MAP4: variants seen among roughly 807,000 people sequenced by gnomAD.
MAP4 encodes microtubule-associated protein 4.
Under a neutral mutation model 170.2 loss-of-function variants are expected in MAP4, and 76 were observed. The observed-to-expected ratio is 0.45, with a 90% CI of 0.37 to 0.54. The LOEUF (loss-of-function observed/expected upper bound fraction) is 0.54. MAP4 is among the 20% of genes least tolerant of loss of function. The probability of loss-of-function intolerance (pLI) is 0.00; values close to 1 mark genes in which losing one functional copy is unlikely to be tolerated. For synonymous variants in MAP4, 909 were observed against 994.5 expected (o/e 0.91, Z 1.62); for missense variants, 2,506 against 2,748.0 (o/e 0.91, Z 1.97).
chr3:48,031,144 C>T (rs188341570), intron 1 of MAP4, among the ~76,000 whole-genome samples: 139 of 152,344 alleles, frequency 9.1e-4, no homozygotes, highest in African/African-American at 3.2e-3. Flanking sequence ...GGTGCAATGG[C>T]TTACATCTGT....
At chr3:48,000,259 C>T (rs2100098446) in intron 1 of MAP4, among the ~76,000 whole-genome samples, 1 of 145,894 alleles carries the variant, frequency 6.9e-6, no homozygotes, top group Non-Finnish European at 1.5e-5. Flanking sequence ...AGCCAAAGGC[C>T]TGCAATAAAT....
Position 47,916,903 on chromosome 3 carries a change from T to A in MAP4, c.924A>T (p.Leu308=). The A allele has an allele frequency of 6.2e-7, 1 of 1,614,224 alleles. No homozygotes were observed. ...SDMALVKDME[L]PTEKEVALVK... is the part of the protein sequence containing the mutation. Reference sequence around the variant, plus strand: ...CCAGGGCCACTTCTTTTTCTGTGGGTAGTTCCATGTCCTTGACTAGGGCCA... The same window carrying A: ...CCAGGGCCACTTCTTTTTCTGTGGGAAGTTCCATGTCCTTGACTAGGGCCA... The change falls in exon 7 of 21, where the codon CTA becomes CTT. Residue 308 remains leucine (L), a synonymous_variant. Coordinates refer to ENST00000683076, the MANE Select transcript of MAP4 (RefSeq NM_001385682.1).
chr3:47,909,984 T>C lies in MAP4; in HGVS notation c.4437A>G (p.Val1479=). Reference sequence around the variant, plus strand: ...GGACTCCATCTTTGGTGTAGTTATCTACCATTAATGATTTGGAAATCTGGG... The same window carrying C: ...GGACTCCATCTTTGGTGTAGTTATCCACCATTAATGATTTGGAAATCTGGG... ...APAQISKSLM[V]DNYTKDGVPG... Residue 1479 remains valine (V), a synonymous_variant, in exon 9 of 21, where the codon GTA becomes GTG. Transcript: ENST00000683076. 1.2e-6 allele frequency: 2 copies of C among 1,614,058 alleles called. No homozygotes were observed. Among genetic ancestry groups the C allele is most frequent in the Non-Finnish European group, 1.7e-6 (2 of 1,179,904 alleles).
chr3:47,901,715 A>G (rs189980688), intron 10 of MAP4, among the ~76,000 whole-genome samples: 42 of 152,076 alleles, frequency 2.8e-4, no homozygotes, highest in Admixed American at 9.8e-4. Context: ...TGTCACCTCC[A>G]TATCTTAAAG....
intron 1 of MAP4, among the ~76,000 whole-genome samples, chr3:48,021,910 A>AG (rs1488238937): frequency 1.3e-5 from 2 of 152,238 alleles, no homozygotes; most frequent in Admixed American, 1.3e-4. Context: ...ACATAAATAT[A>AG]GTAATGAAAA....
chr3:47,968,098 A>G (rs1413677829), intron 3 of MAP4, among the ~76,000 whole-genome samples: 1 of 152,238 alleles, frequency 6.6e-6, no homozygotes, highest in Non-Finnish European at 1.5e-5. Context: ...ATCCTTGAGA[A>G]ATGTAAAAAG....
chr3:48,003,250 C>T (rs1376701014), intron 1 of MAP4, among the ~76,000 whole-genome samples: 2 of 151,772 alleles, frequency 1.3e-5, no homozygotes, highest in Non-Finnish European at 2.9e-5. Context: ...GTCAGAAGAT[C>T]GAGACCATCC....
intron 3 of MAP4, among the ~76,000 whole-genome samples, chr3:47,967,763 C>G (rs1329170781): frequency 1.3e-5 from 2 of 152,128 alleles, no homozygotes; most frequent in African/African-American, 2.4e-5. Context: ...AGAGTTCAAG[C>G]CCATCCTGTG....
chr3:48,034,996 G>A (rs1212936557), intron 1 of MAP4, among the ~76,000 whole-genome samples: 2 of 152,098 alleles, frequency 1.3e-5, no homozygotes, highest in East Asian at 3.9e-4. Context: ...CTGGGAGACA[G>A]AGAGTGAGAC....
At chr3:47,876,201 G>A (rs528242778) in intron 11 of MAP4, among the ~76,000 whole-genome samples, 2 of 148,700 alleles carry the variant, frequency 1.3e-5, no homozygotes, top group African/African-American at 2.5e-5. Flanking sequence ...TGGCGATCTC[G>A]GCTCACTGCA....
intron 1 of MAP4, among the ~76,000 whole-genome samples, chr3:48,045,896 G>T (rs145814591): frequency 1.3e-5 from 2 of 151,976 alleles, no homozygotes; most frequent in African/African-American, 2.4e-5. Context: ...TCTGAGTCTG[G>T]AATAGCATCA....
At chr3:48,065,074 G>A (rs974838133) in intron 1 of MAP4, among the ~76,000 whole-genome samples, 1 of 152,186 alleles carries the variant, frequency 6.6e-6, no homozygotes, top group South Asian at 2.1e-4. Flanking sequence ...AGGCTGCAGT[G>A]AGTTATGATC....
chr3:47,915,039 TCTC>T (rs1400988528), intron 7 of MAP4, 100 bp from the exon 8 acceptor site: 2 of 1,453,478 alleles, frequency 1.4e-6, no homozygotes, highest in East Asian at 2.3e-5. Flanking sequence ...TCTGAGGAGT[TCTC>T]CTACAAGGGG....
At chr3:48,057,092 AC>A (rs1224263683) in intron 1 of MAP4, among the ~76,000 whole-genome samples, 1 of 147,964 alleles carries the variant, frequency 6.8e-6, no homozygotes, top group Non-Finnish European at 1.5e-5. Context: ...CCCGGCCACC[AC>A]CCCGTCTGGG....
intron 1 of MAP4, among the ~76,000 whole-genome samples, chr3:48,077,104 A>G (rs1168377230): frequency 1.3e-5 from 2 of 151,938 alleles, no homozygotes; most frequent in Admixed American, 1.3e-4. Context: ...TCATGATCGC[A>G]TCACTGCACT....
chr3:47,910,762 T>A lies in MAP4; in HGVS notation c.3659A>T (p.Lys1220Met), dbSNP rs2100035577. 1 of 1,536,140 alleles carries A rather than the reference T, an allele frequency of 6.5e-7. No individual in the cohort carries two copies. The highest frequency in any genetic ancestry group is 1.2e-5 in the South Asian group (1 of 84,064). ...CTGTGTGGAATAATTATTTTTAAAC[T>A]TTTTGCTTTTGCCTTCATTGCCTCT... The part of the protein sequence containing the change: ...KKRGNEGKSK[K>M]FKNNYSTQPA... Residue 1220 changes from lysine to methionine, a missense_variant, in exon 9 of 21, where the codon AAG becomes ATG. Lys to Met is a moderately conservative substitution (Grantham distance 95). This residue lies in a region of MAP4 where 2,008 missense variants were observed against 2,206.0 expected (regional missense o/e 0.91). Transcript: ENST00000683076.
intron 1 of MAP4, among the ~76,000 whole-genome samples, chr3:48,077,013 G>A (rs1193283603): frequency 6.6e-6 from 1 of 151,922 alleles, no homozygotes; most frequent in Non-Finnish European, 1.5e-5. Context: ...CAGGTGTGGT[G>A]GCACACACCT....
At chr3:47,917,858 T>C (rs1214596557) in intron 6 of MAP4, among the ~76,000 whole-genome samples, 1 of 152,202 alleles carries the variant, frequency 6.6e-6, no homozygotes, top group Non-Finnish European at 1.5e-5. Flanking sequence ...TTTTTGTTTT[T>C]GTTTTTTGAG....
At chr3:47,946,080 G>A (rs2100059668) in intron 3 of MAP4, among the ~76,000 whole-genome samples, 2 of 149,998 alleles carry the variant, frequency 1.3e-5, no homozygotes, top group South Asian at 2.1e-4. Context: ...GACTACAGGC[G>A]CCCGCCACCA....
Sources: gnomAD v4.1 joint callset for allele counts (sites outside exome capture counted in the v4.1 genomes callset) on GRCh38, gnomAD v4.1.1 for gene constraint, gnomAD v4.1.1 regional missense constraint, MANE v1.5 for transcripts, NCBI Gene and HGNC (gene_info 2026-07-23, HGNC 2026-07-21) for gene names.